The following TTC3 variants were observed in gnomAD, a reference collection of about 807,000 sequenced individuals.
The protein encoded by TTC3 is tetratricopeptide repeat domain 3.
A neutral mutation model predicts 249.6 loss-of-function variants in TTC3; 180 were observed. The ratio of observed to expected loss-of-function variants is 0.72; its 90% CI spans 0.64 to 0.82. The LOEUF is 0.82. TTC3 is among the 40% of genes least tolerant of loss of function. TTC3 has a pLI of 0.00. For missense variants in TTC3, 2,061 were observed against 2,398.4 expected (o/e 0.86, Z 2.94); for synonymous variants, 717 against 805.0 (o/e 0.89, Z 1.85).
At chr21:37,182,459 C>T (rs2082843749) in intron 35 of TTC3, among the ~76,000 whole-genome samples, 2 of 152,210 alleles carry the variant, frequency 1.3e-5, no homozygotes, top group Admixed American at 6.5e-5. Flanking sequence ...AACATGCATA[C>T]ACTCCCTGTA....
chr21:37,122,214 C>A (rs1045193469), intron 12 of TTC3, among the ~76,000 whole-genome samples: 1 of 151,286 alleles, frequency 6.6e-6, no homozygotes, highest in Non-Finnish European at 1.5e-5. Context: ...AGACAGCAAC[C>A]AAATTGTTAT....
intron 29 of TTC3, 37 bp downstream of exon 29, chr21:37,159,782 TC>T: frequency 6.9e-7 from 1 of 1,454,852 alleles, no homozygotes; most frequent in African/African-American, 3.0e-5. Context: ...TACGTTCTAA[TC>T]TGATGTTAAA....
At chr21:37,144,345 A>G (rs2078794274) in intron 20 of TTC3, among the ~76,000 whole-genome samples, 180 bp from the exon 21 acceptor site, 1 of 152,200 alleles carries the variant, frequency 6.6e-6, no homozygotes, top group African/African-American at 2.4e-5. Context: ...TATTACTTTT[A>G]TAGCAAACAG....
At chr21:37,168,936 C>T (rs534531091) in intron 34 of TTC3, among the ~76,000 whole-genome samples, 4 of 152,276 alleles carry the variant, frequency 2.6e-5, no homozygotes, top group African/African-American at 4.8e-5. Context: ...GGCTGGCAAG[C>T]GGATGTTGGC....
At chr21:37,171,197 G>A (rs2081749331) in intron 34 of TTC3, among the ~76,000 whole-genome samples, 4 of 152,162 alleles carry the variant, frequency 2.6e-5, no homozygotes, top group Admixed American at 2.6e-4. Context: ...CTTTAAACCA[G>A]GTAGGCTCTG....
chr21:37,129,002 G>A lies in TTC3; in HGVS notation c.1298-1G>A. On this transcript the variant is annotated splice_acceptor_variant, in intron 15 of 45. Transcript: ENST00000355666. LOFTEE classifies it high-confidence loss of function. ...AGGAACAAATACTTTTGTGTTCACA[G>A]GTCAGCCTCCAAAACATAAAGGAAA... The A allele has an allele frequency of 6.3e-7, 1 of 1,587,224 alleles. No individual in the cohort carries two copies. The highest frequency in any genetic ancestry group is 1.2e-5 in the South Asian group (1 of 86,404).
intron 39 of TTC3, among the ~76,000 whole-genome samples, chr21:37,190,765 A>G (rs1293266833): frequency 6.6e-6 from 1 of 152,194 alleles, no homozygotes; most frequent in Non-Finnish European, 1.5e-5. Flanking sequence ...TTTTTTCTTC[A>G]ATATGTATAA....
chr21:37,073,745 C>T (rs1285205540), intron 1 of TTC3, among the ~76,000 whole-genome samples: 1 of 152,118 alleles, frequency 6.6e-6, no homozygotes. Flanking sequence ...CGTGTCGCCT[C>T]GTCGCCCCTT....
intron 21 of TTC3, among the ~76,000 whole-genome samples, chr21:37,147,049 G>A (rs1366012897): frequency 6.6e-6 from 1 of 152,300 alleles, no homozygotes; most frequent in African/African-American, 2.4e-5. Flanking sequence ...AGAGCTGCAA[G>A]GAGGAAGATA....
intron 1 of TTC3, among the ~76,000 whole-genome samples, chr21:37,080,393 A>G (rs1033630875): frequency 7.6e-5 from 11 of 145,572 alleles, no homozygotes; most frequent in African/African-American, 2.1e-4. Context: ...CCCTTGCTTT[A>G]TGGCCTTGTA....
chr21:37,165,613 A>C, exon 33 of TTC3: 1 of 1,614,106 alleles, frequency 6.2e-7, no homozygotes, highest in Admixed American at 1.7e-5. Flanking sequence ...TGTTCTCTGC[A>C]GAATATGAGT....
chr21:37,196,550 T>C (rs2084934492), intron 42 of TTC3, among the ~76,000 whole-genome samples: 1 of 152,218 alleles, frequency 6.6e-6, no homozygotes, highest in African/African-American at 2.4e-5. Context: ...AATAAATTTT[T>C]TAATGTGCAT....
At chr21:37,141,356 C>T (rs2078431238) in intron 20 of TTC3, among the ~76,000 whole-genome samples, 1 of 151,964 alleles carries the variant, frequency 6.6e-6, no homozygotes, top group Admixed American at 6.6e-5. Context: ...TAATTTCTAA[C>T]TGTCTTTAAA....
chr21:37,128,897 C>A (rs899257040), intron 15 of TTC3, 106 bp from the exon 16 acceptor site: 4 of 799,230 alleles, frequency 5.0e-6, no homozygotes, highest in Non-Finnish European at 7.4e-6. Context: ...TACCACATTT[C>A]TGCTTCTGTT....
intron 22 of TTC3, 78 bp from the exon 23 acceptor site, chr21:37,148,466 CTG>C: frequency 3.2e-6 from 2 of 616,396 alleles, no homozygotes; most frequent in Non-Finnish European, 5.4e-6. Context: ...CAAGCTCTCT[CTG>C]TCTTTATGTA....
At chr21:37,154,231 AGCC>A (rs1027729852) in intron 27 of TTC3, among the ~76,000 whole-genome samples, 1 of 152,258 alleles carries the variant, frequency 6.6e-6, no homozygotes, top group African/African-American at 2.4e-5. Context: ...CAGGGCCTTT[AGCC>A]GCAGACCACA....
chr21:37,151,210 TG>T (rs1235204163), intron 25 of TTC3, among the ~76,000 whole-genome samples: 2 of 152,094 alleles, frequency 1.3e-5, no homozygotes, highest in African/African-American at 2.4e-5. Context: ...TCTCAGTTGT[TG>T]AAACTTTAAT....
At chr21:37,136,979 G>C (rs750142519) in intron 18 of TTC3, among the ~76,000 whole-genome samples, 6 of 152,164 alleles carry the variant, frequency 3.9e-5, no homozygotes, top group Non-Finnish European at 8.8e-5. Context: ...CCCTAGAAAT[G>C]GAACAACAAA....
At chr21:37,165,447 A>T (rs2081162241) in intron 32 of TTC3, 103 bp from the exon 33 acceptor site, 1 of 862,968 alleles carries the variant, frequency 1.2e-6, no homozygotes, top group South Asian at 1.8e-5. Context: ...GATCAGTGAA[A>T]AGTGAAACAG....
Sources: gnomAD v4.1 joint callset for allele counts (sites outside exome capture counted in the v4.1 genomes callset) on GRCh38, gnomAD v4.1.1 for gene constraint, MANE v1.5 for transcripts, NCBI Gene and HGNC (gene_info 2026-07-23, HGNC 2026-07-21) for gene names.